ABHD3: variants seen among roughly 807,000 people sequenced by gnomAD.
ABHD3 encodes the protein abhydrolase domain containing 3, phospholipase.
Under a neutral mutation model 48.8 loss-of-function variants are expected in ABHD3, and 46 were observed. That is an observed-to-expected ratio of 0.94 (90% confidence interval 0.74 to 1.20). The LOEUF (loss-of-function observed/expected upper bound fraction) is 1.20. Ranked by LOEUF, ABHD3 falls within the 50% of genes most tolerant of loss-of-function variation. ABHD3 has a pLI of 0.00. For synonymous variants in ABHD3, 192 were observed against 183.7 expected, an observed-to-expected ratio of 1.04 and a Z score of -0.36; for missense variants, 490 against 497.8, an observed-to-expected ratio of 0.98 and a Z score of 0.15.
chr18:21,688,399 C>T (rs979852891), intron 3 of ABHD3, among the ~76,000 whole-genome samples: 6 of 152,166 alleles, frequency 3.9e-5, no homozygotes, highest in Non-Finnish European at 7.3e-5. Flanking sequence ...ATAATAACAA[C>T]AGATACTGTT....
rs1568135911 is a variant in ABHD3, at chr18:21,657,025, G to A, written c.893C>T (p.Ala298Val). 6.2e-7 allele frequency: 1 copy of A among 1,613,954 alleles called. No individual in the cohort carries two copies. The highest frequency in any genetic ancestry group is 8.5e-7 in the Non-Finnish European group (1 of 1,179,992). Residue 298 changes from alanine (A) to valine (V), a missense_variant and splice_region_variant, in exon 8 of 9, where the codon GCT becomes GTT. By Grantham distance (64) the Ala-to-Val change is moderately conservative (BLOSUM62 0). Coordinates refer to ENST00000289119, the MANE Select transcript of ABHD3 (RefSeq NM_138340.5). ...CTTATCAAACTCTCTGATGGATTTA[G>A]CCTGAAACACAAAAACAAATTATAT... ...KQVDMDHVMK[A>V]KSIREFDKRF... is the part of the protein sequence containing the mutation.
At chr18:21,667,583 C>T (rs2039663940) in intron 4 of ABHD3, among the ~76,000 whole-genome samples, 1 of 152,026 alleles carries the variant, frequency 6.6e-6, no homozygotes, top group Non-Finnish European at 1.5e-5. Context: ...AAACTCATCC[C>T]TAAAACACAG....
At chr18:21,702,147 G>A (rs916951014) in intron 3 of ABHD3, 169 bp downstream of exon 3, 12 of 571,682 alleles carry the variant, frequency 2.1e-5, no homozygotes, top group Non-Finnish European at 3.2e-5. Context: ...ATTCAGTTAT[G>A]CATCTTCCTG....
At chr18:21,699,037 G>A (rs2040448983) in intron 3 of ABHD3, among the ~76,000 whole-genome samples, 2 of 151,756 alleles carry the variant, frequency 1.3e-5, no homozygotes, top group East Asian at 1.9e-4. Context: ...AAGTTCAAGC[G>A]ATTCTCGTGT....
intron 4 of ABHD3, chr18:21,683,396 C>T (rs1411267255): frequency 3.4e-6 from 1 of 291,244 alleles, no homozygotes; most frequent in East Asian, 1.3e-4. Flanking sequence ...AGCTGGCAAA[C>T]AGGCATGTGA....
chr18:21,687,584 G>A (rs2040156523), intron 3 of ABHD3, among the ~76,000 whole-genome samples: 1 of 152,128 alleles, frequency 6.6e-6, no homozygotes, highest in African/African-American at 2.4e-5. Flanking sequence ...TAAAGGGCGT[G>A]TATATGAGGG....
At chr18:21,674,347 T>A (rs796211298) in intron 4 of ABHD3, among the ~76,000 whole-genome samples, 14 of 151,894 alleles carry the variant, frequency 9.2e-5, no homozygotes, top group African/African-American at 3.4e-4. Flanking sequence ...GCTCAAGCGA[T>A]CCTCCTGCCT....
Position 21,702,447 on chromosome 18 carries a change from A to G in ABHD3, c.378T>C (p.Asp126=), listed in dbSNP as rs746588163. 1 of 1,613,148 alleles carries G rather than the reference A, an allele frequency of 6.2e-7. No homozygotes were observed. Among genetic ancestry groups the G allele is most frequent in the Non-Finnish European group, 8.5e-7 (1 of 1,179,462 alleles). ...CCATATAACACGTACTGTTATCATTATCAAACCAGTCCAGTGAAATCTGTC... is the reference window on the plus strand; with the variant it reads ...CCATATAACACGTACTGTTATCATTGTCAAACCAGTCCAGTGAAATCTGTC... ...DGGQISLDWF[D]NDNSTCYMDA... The change falls in exon 3 of 9, where the codon GAT becomes GAC. Residue 126 remains aspartate, a synonymous_variant. Coordinates refer to ENST00000289119, the MANE Select transcript of ABHD3 (RefSeq NM_138340.5).
chr18:21,653,611 A>G (rs2039278250), intron 8 of ABHD3, among the ~76,000 whole-genome samples: 1 of 151,810 alleles, frequency 6.6e-6, no homozygotes. Flanking sequence ...TTAAGATAAC[A>G]TGGTTGAGGC....
intron 4 of ABHD3, among the ~76,000 whole-genome samples, chr18:21,666,386 G>A (rs779559560): frequency 7.2e-5 from 11 of 152,136 alleles, no homozygotes; most frequent in Non-Finnish European, 1.6e-4. Flanking sequence ...TAGAGATGGG[G>A]TTTCACCATG....
At chr18:21,670,546 G>A (rs1022702004) in intron 4 of ABHD3, among the ~76,000 whole-genome samples, 9 of 152,144 alleles carry the variant, frequency 5.9e-5, no homozygotes, top group African/African-American at 1.9e-4. Flanking sequence ...ACAATATGAC[G>A]CCGAGCAATC....
chr18:21,652,464 AAGAG>A (rs1189125296), intron 8 of ABHD3, among the ~76,000 whole-genome samples: 1 of 152,038 alleles, frequency 6.6e-6, no homozygotes, highest in Non-Finnish European at 1.5e-5. Flanking sequence ...AAACAAAGGA[AAGAG>A]AGAAAGAAAA....
chr18:21,676,992 A>AT (rs2039897525), intron 4 of ABHD3, among the ~76,000 whole-genome samples: 2 of 152,230 alleles, frequency 1.3e-5, no homozygotes, highest in South Asian at 4.1e-4. Context: ...TAATTTAAGA[A>AT]TATTTTTATC....
intron 4 of ABHD3, 116 bp from the exon 5 acceptor site, chr18:21,664,346 G>A: frequency 1.1e-6 from 1 of 899,426 alleles, no homozygotes; most frequent in Non-Finnish European, 1.7e-6. Context: ...ACCTTTGTTT[G>A]CACATACTGT....
Position 21,651,566 on chromosome 18 carries a change from C to G in ABHD3, c.*25G>C, listed in dbSNP as rs1470147853. The G allele has an allele frequency of 1.9e-6, 3 of 1,612,390 alleles. No individual in the cohort carries two copies. In the African/African-American group the frequency reaches 4.0e-5, roughly 22 times the overall value. On this transcript the variant is annotated 3_prime_UTR_variant, in exon 9 of 9. Transcript: ENST00000289119. Reference sequence around the variant, plus strand: ...GCTGCCTTCACAATTGTGGTTCAGACAAAATGCACCCAAAGAACTACATGT... The same window carrying G: ...GCTGCCTTCACAATTGTGGTTCAGAGAAAATGCACCCAAAGAACTACATGT...
chr18:21,678,052 G>A (rs947388405), intron 4 of ABHD3, among the ~76,000 whole-genome samples: 2 of 152,040 alleles, frequency 1.3e-5, no homozygotes, highest in African/African-American at 4.8e-5. Flanking sequence ...AACTCCTGGG[G>A]CTCAAGCAAT....
rs180699742 is a variant in ABHD3, at chr18:21,688,002, G to A, written c.510-4037C>T. Among the ~76,000 whole-genome samples the A allele has an allele frequency of 6.4e-4, 97 of 152,326 alleles. No homozygotes were observed. The Middle Eastern group carries it at 0.014, about 21-fold the overall frequency. On this transcript the variant is annotated intron_variant, in intron 3 of 8. Transcript: ENST00000289119. ...TTCCCTGGGGGAAAAACGGCCCCTA[G>A]GATGAGAACCACTGTCACAGTGAGA...
chr18:21,675,393 C>T (rs139103731), intron 4 of ABHD3, among the ~76,000 whole-genome samples: 7 of 151,744 alleles, frequency 4.6e-5, no homozygotes, highest in Non-Finnish European at 8.8e-5. Flanking sequence ...CTCAGCCCCC[C>T]GAGCAGCTGG....
chr18:21,681,610 T>C (rs776748010), intron 4 of ABHD3, among the ~76,000 whole-genome samples: 3 of 152,196 alleles, frequency 2.0e-5, no homozygotes, highest in Non-Finnish European at 4.4e-5. Context: ...GATCAAATTA[T>C]GCCCTTGCTT....
Sources: allele counts gnomAD v4.1 joint callset (sites outside exome capture counted in the v4.1 genomes callset), GRCh38; gene constraint gnomAD v4.1.1; transcripts MANE v1.5; gene names NCBI Gene and HGNC (gene_info 2026-07-23, HGNC 2026-07-21).